Variants in GRM1 observed in about 807,000 individuals in gnomAD.
GRM1 encodes the protein metabotropic glutamate receptor 1.
GRM1 carries 33 observed loss-of-function variants against 90.9 expected under a neutral mutation model. The ratio of observed to expected loss-of-function variants is 0.36; its 90% confidence interval spans 0.28 to 0.49. The LOEUF (loss-of-function observed/expected upper bound fraction) is 0.49, where lower values mean the gene tolerates loss of function less well. Ranked by LOEUF, GRM1 falls within the 20% of genes least tolerant of loss-of-function variation. GRM1 has a pLI of 0.99. For synonymous variants in GRM1, 700 were observed against 613.2 expected, an observed-to-expected ratio of 1.14 and a Z score of -2.09; for missense variants, 1,190 against 1,534.3, an observed-to-expected ratio of 0.78 and a Z score of 3.75.
intron 4 of GRM1, 40 bp from the exon 5 acceptor site, chr6:146,357,486 G>A (rs202196179): frequency 2.0e-6 from 3 of 1,518,392 alleles, no homozygotes; most frequent in Admixed American, 3.3e-5. Context: ...TCTACATTAT[G>A]TCTATATTCT....
chr6:146,033,838 C>T (rs1337256450), intron 1 of GRM1, among the ~76,000 whole-genome samples: 1 of 151,828 alleles, frequency 6.6e-6, no homozygotes, highest in African/African-American at 2.4e-5. Flanking sequence ...AAAAAGTCCT[C>T]CTAAGTCATA....
intron 1 of GRM1, among the ~76,000 whole-genome samples, chr6:146,120,333 T>C (rs1775931049): frequency 6.6e-6 from 1 of 152,230 alleles, no homozygotes; most frequent in African/African-American, 2.4e-5. Context: ...TAAGGAGATT[T>C]TGGGCTGAGA....
At chr6:146,374,715 T>A (rs780089660) in intron 5 of GRM1, among the ~76,000 whole-genome samples, 9 of 152,116 alleles carry the variant, frequency 5.9e-5, no homozygotes, top group Non-Finnish European at 1.2e-4. Context: ...AGTTGTAATG[T>A]CTCTTTTTTC....
intron 3 of GRM1, among the ~76,000 whole-genome samples, chr6:146,317,335 C>A (rs1784011812): frequency 6.6e-6 from 1 of 152,194 alleles, no homozygotes; most frequent in African/African-American, 2.4e-5. Flanking sequence ...CATGTAAGCT[C>A]AGTTGATAAA....
chr6:146,203,341 G>T (rs1035181437), intron 2 of GRM1, among the ~76,000 whole-genome samples: 1 of 152,118 alleles, frequency 6.6e-6, no homozygotes, highest in Admixed American at 6.6e-5. Context: ...TATTCCCTCT[G>T]TCGGGGGTTC....
intron 2 of GRM1, among the ~76,000 whole-genome samples, chr6:146,245,646 A>G (rs1011082369): frequency 3.9e-5 from 6 of 152,310 alleles, no homozygotes; most frequent in African/African-American, 1.4e-4. Flanking sequence ...TATAGTGAAT[A>G]CATTCATTTT....
At chr6:146,033,617 T>C (rs1377107098) in intron 1 of GRM1, among the ~76,000 whole-genome samples, 3 of 152,070 alleles carry the variant, frequency 2.0e-5, no homozygotes, top group Admixed American at 2.0e-4. Flanking sequence ...AATAATGAAT[T>C]TAGTGATGCT....
intron 1 of GRM1, among the ~76,000 whole-genome samples, chr6:146,137,938 G>T (rs1412262986): frequency 6.6e-6 from 1 of 151,874 alleles, no homozygotes; most frequent in Non-Finnish European, 1.5e-5. Context: ...ATTACTTTTT[G>T]ATTTCTTTTT....
chr6:146,119,127 G>A (rs1309797009), intron 1 of GRM1, among the ~76,000 whole-genome samples: 13 of 152,094 alleles, frequency 8.5e-5, no homozygotes, highest in Admixed American at 7.2e-4. Flanking sequence ...TTTAATGATC[G>A]CCATTGTAAC....
At chr6:146,410,507 G>C (rs1777521554) in intron 7 of GRM1, among the ~76,000 whole-genome samples, 1 of 152,140 alleles carries the variant, frequency 6.6e-6, no homozygotes, top group African/African-American at 2.4e-5. Flanking sequence ...TAGGGGAGTA[G>C]AGGAATACCA....
At chr6:146,224,705 G>C (rs1383825978) in intron 2 of GRM1, among the ~76,000 whole-genome samples, 3 of 152,218 alleles carry the variant, frequency 2.0e-5, no homozygotes, top group Non-Finnish European at 2.9e-5. Context: ...CTTGGAGAGA[G>C]CCTGGTAAAA....
chr6:146,118,081 G>A (rs1037532153), intron 1 of GRM1, among the ~76,000 whole-genome samples: 1 of 147,386 alleles, frequency 6.8e-6, no homozygotes, highest in Non-Finnish European at 1.5e-5. Flanking sequence ...AACTTTGTAT[G>A]TCTTTATATA....
intron 2 of GRM1, among the ~76,000 whole-genome samples, chr6:146,272,584 C>T (rs1782206228): frequency 6.6e-6 from 1 of 152,126 alleles, no homozygotes; most frequent in Non-Finnish European, 1.5e-5. Flanking sequence ...ACATTAGGAA[C>T]ACCATGAGAA....
chr6:146,347,826 A>C (rs1785238210), intron 3 of GRM1, among the ~76,000 whole-genome samples: 1 of 152,176 alleles, frequency 6.6e-6, no homozygotes, highest in Non-Finnish European at 1.5e-5. Context: ...TGATAAACAA[A>C]AGACATACTG....
intron 2 of GRM1, among the ~76,000 whole-genome samples, chr6:146,299,952 T>G (rs1018321004): frequency 6.6e-6 from 1 of 152,190 alleles, no homozygotes; most frequent in Non-Finnish European, 1.5e-5. Context: ...ATTAATAAAT[T>G]TATTCATTTG....
intron 7 of GRM1, among the ~76,000 whole-genome samples, chr6:146,411,659 C>T (rs1415883577): frequency 6.6e-6 from 1 of 152,118 alleles, no homozygotes; most frequent in Non-Finnish European, 1.5e-5. Flanking sequence ...GAAGAGATTA[C>T]AGTGGCCTGA....
chr6:146,029,172 G>T lies in GRM1; in HGVS notation c.-346G>T. On this transcript the variant is annotated 5_prime_UTR_variant, in exon 1 of 8. It removes the in-frame stop codon of an upstream open reading frame in the 5' UTR. Transcript: ENST00000282753. The stretch of plus-strand genomic sequence containing the variant: ...ACAGGTCCTCTGATGACAAGGTTGT[G>T]ATTTTTCTCTGTCTTTTGTCAGCAG... 1 of 382,844 alleles carries T rather than the reference G, an allele frequency of 2.6e-6. No individual in the cohort carries two copies. Among genetic ancestry groups the T allele is most frequent in the South Asian group, 2.3e-5 (1 of 42,864 alleles). The allele number at this position is 382,844 out of a possible 1,614,324, so 23.7% of individuals were successfully genotyped here.
chr6:146,079,361 C>T (rs1400493414), intron 1 of GRM1, among the ~76,000 whole-genome samples: 2 of 152,038 alleles, frequency 1.3e-5, no homozygotes, highest in African/African-American at 2.4e-5. Flanking sequence ...GATAAGAAGG[C>T]CATCTCCATT....
intron 1 of GRM1, among the ~76,000 whole-genome samples, chr6:146,134,748 G>T (rs1048287210): frequency 3.3e-5 from 5 of 152,124 alleles, no homozygotes; most frequent in African/African-American, 7.2e-5. Context: ...GACTACCACA[G>T]TGAAACCCCG....
Sources: gnomAD v4.1 joint callset for allele counts (sites outside exome capture counted in the v4.1 genomes callset) on GRCh38, gnomAD v4.1.1 for gene constraint, MANE v1.5 for transcripts, NCBI Gene and HGNC (gene_info 2026-07-23, HGNC 2026-07-21) for gene names.